The following MORN1 variants were observed in gnomAD, a reference collection of about 807,000 sequenced individuals.
The protein encoded by MORN1 is MORN repeat containing 1.
In MORN1, 67 loss-of-function variants were observed where a neutral mutation model predicts 61.9. The observed-to-expected ratio is 1.08, with a 90% CI of 0.89 to 1.33. MORN1 has a LOEUF of 1.33. Ranked by LOEUF, MORN1 falls within the 40% of genes most tolerant of loss-of-function variation. The pLI, the probability that MORN1 is intolerant of heterozygous loss-of-function variation, is 0.00. For synonymous variants in MORN1, 301 were observed against 292.0 expected (o/e 1.03, Z -0.31); for missense variants, 752 against 691.2 (o/e 1.09, Z -0.99).
In MORN1 at chr1:2,321,410, G is replaced by A. The variant is rs1277467642; in HGVS notation, c.1467C>T (p.Cys489=). Residue 489 remains cysteine, a synonymous_variant, in exon 14 of 14, where the codon TGC becomes TGT. Coordinates refer to ENST00000378531, the MANE Select transcript of MORN1 (RefSeq NM_024848.3). The part of the protein sequence containing the change: ...ASSSWQAAHS[C]TPEPPAPR ...ACCGAGGCGCTGGCGGCTCTGGGGT[G>A]CAGCTGTGGGCGGCCTGCCAGCTGC... The A allele has an allele frequency of 3.3e-6, 5 of 1,537,884 alleles. No homozygotes were observed. The highest frequency in any genetic ancestry group is 3.5e-6 in the Non-Finnish European group (4 of 1,141,270).
intron 10 of MORN1, among the ~76,000 whole-genome samples, chr1:2,339,399 G>A (rs1034697728): frequency 1.3e-5 from 2 of 152,182 alleles, no homozygotes; most frequent in Non-Finnish European, 2.9e-5. Context: ...TCCCTGAGTC[G>A]GGGCTGCAGG....
At position 2,383,861 on chromosome 1, in the gene MORN1, C is replaced by A. The variant is rs367648082; in HGVS notation, c.537+1117G>T. Among the ~76,000 whole-genome samples the A allele has an allele frequency of 3.4e-4, 52 of 152,268 alleles. No individual in the cohort carries two copies. In the South Asian group the frequency reaches 9.9e-3, roughly 29 times the overall value. ...GATGGCTTGGTTAACCGTGAAGCACCCCCACACTGTGGACCAGCAGCCTCC... is the reference window on the plus strand; with the variant it reads ...GATGGCTTGGTTAACCGTGAAGCACACCCACACTGTGGACCAGCAGCCTCC... On this transcript the variant is annotated intron_variant, in intron 6 of 13. Transcript: ENST00000378531.
At chr1:2,348,669 G>A (rs1358154654) in intron 10 of MORN1, among the ~76,000 whole-genome samples, 5 of 129,932 alleles carry the variant, frequency 3.8e-5, no homozygotes, top group African/African-American at 1.1e-4. Flanking sequence ...GCACGCACAC[G>A]CACACCTGCG....
chr1:2,323,950 G>C (rs929264817), intron 13 of MORN1, 147 bp downstream of exon 13: 15 of 1,418,770 alleles, frequency 1.1e-5, no homozygotes, highest in African/African-American at 7.3e-5. Flanking sequence ...GGGAGGGCCT[G>C]GCTGCTCCCC....
chr1:2,367,444 A>G (rs1462750425), intron 8 of MORN1, among the ~76,000 whole-genome samples: 1 of 143,836 alleles, frequency 7.0e-6, no homozygotes, highest in Non-Finnish European at 1.5e-5. Context: ...ACATAGTGAG[A>G]TTCTGTCTCT....
intron 10 of MORN1, among the ~76,000 whole-genome samples, chr1:2,346,257 C>G (rs115304753): frequency 0.04 from 6,083 of 152,250 alleles, 405 homozygotes; most frequent in African/African-American, 0.13. Context: ...CCAGGGTGCC[C>G]GCAGTCAGGG....
chr1:2,374,366 G>T, intron 7 of MORN1, 95 bp downstream of exon 7: 1 of 1,046,440 alleles, frequency 9.6e-7, no homozygotes, highest in Non-Finnish European at 1.4e-6. Flanking sequence ...TCCCCAGTGT[G>T]CTCTTGGTCA....
intron 7 of MORN1, among the ~76,000 whole-genome samples, chr1:2,373,969 G>A (rs1247142255): frequency 6.6e-6 from 1 of 152,248 alleles, no homozygotes; most frequent in Non-Finnish European, 1.5e-5. Flanking sequence ...ACTTGGCCCC[G>A]AGGTTTGGAT....
chr1:2,384,713 A>G (rs1204023069), intron 6 of MORN1, among the ~76,000 whole-genome samples: 1 of 152,246 alleles, frequency 6.6e-6, no homozygotes, highest in African/African-American at 2.4e-5. Context: ...GTCAAAAGTG[A>G]GAGCCGCCTG....
intron 8 of MORN1, among the ~76,000 whole-genome samples, chr1:2,367,646 C>A (rs1415119397): frequency 1.3e-5 from 2 of 151,946 alleles, no homozygotes; most frequent in African/African-American, 4.8e-5. Flanking sequence ...AAAAATATGT[C>A]ATTTTTTTTT....
chr1:2,359,759 C>T (rs1641853551), intron 8 of MORN1, among the ~76,000 whole-genome samples: 1 of 152,010 alleles, frequency 6.6e-6, no homozygotes, highest in African/African-American at 2.4e-5. Flanking sequence ...GCAGCACCTG[C>T]AATCATCCCA....
intron 8 of MORN1, among the ~76,000 whole-genome samples, chr1:2,368,838 C>G (rs1289444442): frequency 6.6e-6 from 1 of 152,070 alleles, no homozygotes; most frequent in African/African-American, 2.4e-5. Context: ...GCGGGTGGAT[C>G]ACAAGGTCAG....
intron 8 of MORN1, among the ~76,000 whole-genome samples, chr1:2,360,629 G>T (rs1405905898): frequency 6.6e-6 from 1 of 152,122 alleles, no homozygotes; most frequent in Non-Finnish European, 1.5e-5. Flanking sequence ...AGAGGACCCT[G>T]AGTAGAGGGA....
At chr1:2,331,404 C>T (rs987353711) in intron 12 of MORN1, among the ~76,000 whole-genome samples, 2 of 152,214 alleles carry the variant, frequency 1.3e-5, no homozygotes, top group African/African-American at 2.4e-5. Flanking sequence ...CCCTGACATC[C>T]TTGGACCTGC....
intron 12 of MORN1, among the ~76,000 whole-genome samples, chr1:2,329,892 G>A (rs1641111207): frequency 5.9e-5 from 9 of 152,248 alleles, no homozygotes; most frequent in Admixed American, 5.9e-4. Flanking sequence ...CAGGCCAAGG[G>A]ACAGGCTGGG....
chr1:2,336,442 C>T (rs780821888), intron 12 of MORN1, 27 bp downstream of exon 12: 1 of 1,606,358 alleles, frequency 6.2e-7, no homozygotes, highest in East Asian at 2.2e-5. Context: ...CCTCCGAACA[C>T]CTGCAGGTGG....
intron 10 of MORN1, among the ~76,000 whole-genome samples, chr1:2,338,785 T>C (rs973542792): frequency 6.6e-6 from 1 of 152,184 alleles, no homozygotes; most frequent in African/African-American, 2.4e-5. Context: ...TTGAAGAGCC[T>C]CCTTTGCCTG....
At position 2,334,463 on chromosome 1, in the gene MORN1, G is replaced by GGGTTTCCGC. The variant is rs1641223189; in HGVS notation, c.1250+2005_1250+2006insGCGGAAACC. ...CTTACGGAGAGTTCCCGATGGGAAAGACTCCCCAGGGTTTCCGCACCCAGA... is the reference window on the plus strand; with the variant it reads ...CTTACGGAGAGTTCCCGATGGGAAAGGGTTTCCGCACTCCCCAGGGTTTCCGCACCCAGA... On this transcript the variant is annotated intron_variant, in intron 12 of 13. Coordinates refer to ENST00000378531, the MANE Select transcript of MORN1 (RefSeq NM_024848.3). The surrounding 1 kb of genome is among the most constrained non-coding windows in gnomAD (Gnocchi z 5.4). Among the ~76,000 whole-genome samples the GGGTTTCCGC allele has an allele frequency of 6.6e-6, 1 of 152,176 alleles. No individual in the cohort carries two copies. The highest frequency in any genetic ancestry group is 2.1e-4 in the South Asian group (1 of 4,830).
At chr1:2,376,957 A>G (rs1642252789) in intron 6 of MORN1, 1 of 152,158 alleles carries the variant, frequency 6.6e-6, no homozygotes, top group Non-Finnish European at 1.5e-5. Context: ...TGCTGACGGC[A>G]CAGACTGGGA....
Sources: allele counts gnomAD v4.1 joint callset (sites outside exome capture counted in the v4.1 genomes callset), GRCh38; gene constraint gnomAD v4.1.1; non-coding constraint Gnocchi (gnomAD v3.1); transcripts MANE v1.5; gene names NCBI Gene and HGNC (gene_info 2026-07-23, HGNC 2026-07-21).